Variants in NAV3 observed in about 807,000 individuals in gnomAD.
NAV3 encodes pore membrane and/or filament interacting like protein 1.
In NAV3, 87 loss-of-function variants were observed where a neutral mutation model predicts 244.7. The ratio of observed to expected loss-of-function variants is 0.36; its 90% CI spans 0.30 to 0.42. NAV3 has a LOEUF of 0.42. Among genes scored for constraint, NAV3 ranks in the 20% least tolerant of loss-of-function variants. The pLI is 1.00. For synonymous variants in NAV3, 1,126 were observed against 1,042.2 expected, an observed-to-expected ratio of 1.08 and a Z score of -1.55; for missense variants, 2,663 against 2,893.3, an observed-to-expected ratio of 0.92 and a Z score of 1.83.
At chr12:77,841,745 A>G (rs1245265694) in intron 1 of NAV3, among the ~76,000 whole-genome samples, 1 of 152,172 alleles carries the variant, frequency 6.6e-6, no homozygotes, top group Non-Finnish European at 1.5e-5. Context: ...CCATTTATAG[A>G]AAATGGTTGC....
rs73140026 is a variant in NAV3 at position 77,842,953 on chromosome 12, G to A, written c.243+11249G>A. Among the ~76,000 whole-genome samples, 618 of 152,206 alleles carry A rather than the reference G, an allele frequency of 4.1e-3. 1 individual carries two copies. Among genetic ancestry groups the A allele is most frequent in the Non-Finnish European group, 5.7e-3 (390 of 68,030 alleles). On this transcript the variant is annotated intron_variant, in intron 1 of 39. Coordinates refer to ENST00000397909, the MANE Select transcript of NAV3 (RefSeq NM_001024383.2). Reference sequence around the variant, plus strand: ...TGCTCACTTTTTAGGCTTAAAAAATGTACAGATTATATATTTCTCTTTATT... The same window carrying A: ...TGCTCACTTTTTAGGCTTAAAAAATATACAGATTATATATTTCTCTTTATT...
chr12:77,965,783 T>A (rs988632513), intron 3 of NAV3, among the ~76,000 whole-genome samples: 5 of 152,216 alleles, frequency 3.3e-5, no homozygotes, highest in African/African-American at 7.2e-5. Context: ...ATATGCTTCA[T>A]TTTCATGTTG....
chr12:78,191,080 G>C (rs989486175), intron 34 of NAV3, among the ~76,000 whole-genome samples: 3 of 152,080 alleles, frequency 2.0e-5, no homozygotes, highest in Non-Finnish European at 2.9e-5. Flanking sequence ...CTGGTTCAAT[G>C]ATCTAAACTG....
At chr12:77,800,256 G>T (rs926094159) in intron 2 of NAV3, among the ~76,000 whole-genome samples, 1 of 152,174 alleles carries the variant, frequency 6.6e-6, no homozygotes, top group African/African-American at 2.4e-5. Flanking sequence ...GTATTTATGG[G>T]TGGGCTTTAG....
Position 77,968,372 on chromosome 12 carries a change from A to T in NAV3, c.488-147A>T, listed in dbSNP as rs1055614652. 5 of 644,834 alleles carry T rather than the reference A, an allele frequency of 7.8e-6. No individual in the cohort carries two copies. The East Asian group carries it at 1.4e-4, about 18-fold the overall frequency. 39.9% of individuals were successfully genotyped at this position (644,834 alleles called of 1,614,324 possible). A position where few individuals can be genotyped will look rare whatever the true frequency, so the allele number is the denominator to read the frequency against. On this transcript the variant is annotated intron_variant, in intron 4 of 39. Transcript: ENST00000397909. The stretch of plus-strand genomic sequence containing the variant: ...AAATGTTAACATGTTTCAGAAATTC[A>T]GGTTTGTTTGTGATTCAACTGTGAC...
intron 23 of NAV3, among the ~76,000 whole-genome samples, chr12:78,162,279 T>G (rs1290583895): frequency 6.6e-6 from 1 of 152,116 alleles, no homozygotes. Context: ...GAGCAGAGAT[T>G]CTTAAACTCC....
intron 9 of NAV3, among the ~76,000 whole-genome samples, 179 bp downstream of exon 9, chr12:78,022,041 A>G (rs1222365811): frequency 1.3e-5 from 2 of 152,314 alleles, no homozygotes; most frequent in East Asian, 1.9e-4. Flanking sequence ...TCTCTTTGTT[A>G]CTATAAAAGG....
At chr12:77,834,613 A>G (rs1874302043) in intron 1 of NAV3, among the ~76,000 whole-genome samples, 1 of 152,198 alleles carries the variant, frequency 6.6e-6, no homozygotes, top group Non-Finnish European at 1.5e-5. Flanking sequence ...CCACTTTGCT[A>G]AATGACCTTG....
At chr12:78,142,313 C>G (rs1209991117) in intron 20 of NAV3, among the ~76,000 whole-genome samples, 2 of 151,770 alleles carry the variant, frequency 1.3e-5, no homozygotes, top group Non-Finnish European at 2.9e-5. Flanking sequence ...TAAGAAAAAA[C>G]AGATTACTAG....
chr12:77,574,448 G>T (rs1042797431), intron 2 of NAV3, among the ~76,000 whole-genome samples: 2 of 152,104 alleles, frequency 1.3e-5, no homozygotes, highest in Non-Finnish European at 1.5e-5. Flanking sequence ...TGCTGGCCAT[G>T]GCCCTGCCAC....
At chr12:78,112,314 G>C (rs1485788234) in intron 12 of NAV3, among the ~76,000 whole-genome samples, 1 of 152,206 alleles carries the variant, frequency 6.6e-6, no homozygotes, top group Non-Finnish European at 1.5e-5. Flanking sequence ...GTTCGTAAGA[G>C]AGTCTGGGAA....
intron 12 of NAV3, among the ~76,000 whole-genome samples, chr12:78,092,941 A>G (rs1359107537): frequency 6.6e-6 from 1 of 152,040 alleles, no homozygotes; most frequent in Non-Finnish European, 1.5e-5. Context: ...TGGCTTTCAT[A>G]TGTTAGGTAT....
At chr12:78,072,279 A>C (rs1337378114) in intron 12 of NAV3, among the ~76,000 whole-genome samples, 14 of 149,076 alleles carry the variant, frequency 9.4e-5, no homozygotes, top group African/African-American at 3.2e-4. Context: ...CAAAATTGAT[A>C]GACCGCTAGC....
intron 3 of NAV3, among the ~76,000 whole-genome samples, chr12:77,964,920 GT>G (rs1290193178): frequency 6.6e-6 from 1 of 151,830 alleles, no homozygotes; most frequent in Non-Finnish European, 1.5e-5. Context: ...AACATAAATA[GT>G]TTCTCTATTT....
chr12:77,757,066 T>G (rs1266131863), intron 2 of NAV3, among the ~76,000 whole-genome samples: 1 of 152,220 alleles, frequency 6.6e-6, no homozygotes, highest in Non-Finnish European at 1.5e-5. Flanking sequence ...TTTTATTTCT[T>G]GCTCATGTTA....
At chr12:77,980,148 A>G (rs1869302815) in intron 5 of NAV3, among the ~76,000 whole-genome samples, 1 of 152,110 alleles carries the variant, frequency 6.6e-6, no homozygotes, top group Non-Finnish European at 1.5e-5. Context: ...CCTTGACACT[A>G]TTTGGGTTGC....
At chr12:77,925,386 G>T (rs1322296211) in intron 1 of NAV3, among the ~76,000 whole-genome samples, 1 of 152,096 alleles carries the variant, frequency 6.6e-6, no homozygotes, top group Non-Finnish European at 1.5e-5. Context: ...ATAGTGAGCA[G>T]TCTGCATGTT....
At chr12:77,762,658 T>G (rs749114739) in intron 2 of NAV3, among the ~76,000 whole-genome samples, 3 of 152,084 alleles carry the variant, frequency 2.0e-5, no homozygotes, top group Non-Finnish European at 2.9e-5. Context: ...CAGGGATCGT[T>G]GTTATAAAGT....
At chr12:78,177,461 C>G in intron 27 of NAV3, 148 bp downstream of exon 27, 1 of 1,146,834 alleles carries the variant, frequency 8.7e-7, no homozygotes, top group Non-Finnish European at 1.2e-6. Flanking sequence ...TTTCATATTT[C>G]TCTTTCACTG....
Sources: gnomAD v4.1 joint callset for allele counts (sites outside exome capture counted in the v4.1 genomes callset) on GRCh38, gnomAD v4.1.1 for gene constraint, MANE v1.5 for transcripts, NCBI Gene and HGNC (gene_info 2026-07-23, HGNC 2026-07-21) for gene names.